The following RBFOX1 variants were observed in gnomAD, a reference collection of about 807,000 sequenced individuals.
RBFOX1 encodes the protein RNA binding fox-1 homolog 1.
In RBFOX1, 8 loss-of-function variants were observed where a neutral mutation model predicts 57.7. The ratio of observed to expected loss-of-function variants is 0.14; its 90% CI spans 0.08 to 0.25. The LOEUF (loss-of-function observed/expected upper bound fraction) is 0.25. Among genes scored for constraint, RBFOX1 ranks in the 10% least tolerant of loss-of-function variants. The pLI is 1.00. For synonymous variants in RBFOX1, 326 were observed against 222.4 expected (o/e 1.47, Z -4.15); for missense variants, 611 against 548.5 (o/e 1.11, Z -1.14).
chr16:6,524,262 T>A (rs1157755818), intron 2 of RBFOX1, among the ~76,000 whole-genome samples: 1 of 152,204 alleles, frequency 6.6e-6, no homozygotes, highest in Non-Finnish European at 1.5e-5. Flanking sequence ...TTTCTGTGCC[T>A]GACTTATTTC....
intron 4 of RBFOX1, among the ~76,000 whole-genome samples, chr16:5,998,559 C>G (rs540187419): frequency 6.6e-6 from 1 of 152,088 alleles, no homozygotes; most frequent in Non-Finnish European, 1.5e-5. Flanking sequence ...TGTGGATGCC[C>G]AGCATATAAA....
intron 2 of RBFOX1, among the ~76,000 whole-genome samples, chr16:5,594,930 G>C (rs1489296613): frequency 6.8e-6 from 1 of 147,022 alleles, no homozygotes; most frequent in Non-Finnish European, 1.5e-5. Context: ...TCAGGAGTTG[G>C]AGACCAGCCT....
rs72764954 is a variant in RBFOX1, at chr16:6,723,409, T to G, written c.-16+68759T>G. Among the ~76,000 whole-genome samples the G allele has an allele frequency of 5.1e-3, 772 of 152,314 alleles. 7 individuals carry two copies. The highest frequency in any genetic ancestry group is 8.6e-3 in the Non-Finnish European group (587 of 68,030). ...AGATAAAGACTTAAAGATACCACTA[T>G]GGAGTTATCTCAAAGATACATTATT... On this transcript the variant is annotated intron_variant, in intron 3 of 15. Coordinates refer to ENST00000550418, the MANE Select transcript of RBFOX1 (RefSeq NM_018723.4).
intron 3 of RBFOX1, among the ~76,000 whole-genome samples, chr16:5,674,053 T>C (rs2050094851): frequency 6.6e-6 from 1 of 152,212 alleles, no homozygotes; most frequent in Non-Finnish European, 1.5e-5. Flanking sequence ...CATTGAATCA[T>C]TCATTCTTGG....
intron 3 of RBFOX1, among the ~76,000 whole-genome samples, chr16:6,755,139 A>G (rs918959948): frequency 1.3e-5 from 2 of 152,072 alleles, no homozygotes; most frequent in African/African-American, 4.8e-5. Flanking sequence ...AGTCTTTGCT[A>G]TTGGGGATAG....
At chr16:6,598,804 G>C (rs563565386) in intron 2 of RBFOX1, among the ~76,000 whole-genome samples, 57 of 152,076 alleles carry the variant, frequency 3.7e-4, no homozygotes, top group African/African-American at 1.2e-3. Flanking sequence ...AAATTAGCTG[G>C]GCATGGTGGC....
chr16:7,628,064 G>C (rs2060353418), intron 10 of RBFOX1, among the ~76,000 whole-genome samples: 1 of 152,246 alleles, frequency 6.6e-6, no homozygotes, highest in African/African-American at 2.4e-5. Context: ...CTGTGTCCCA[G>C]TGGAATTCTA....
chr16:6,042,072 C>G (rs886499641), intron 1 of RBFOX1, among the ~76,000 whole-genome samples: 17 of 152,016 alleles, frequency 1.1e-4, no homozygotes, highest in African/African-American at 4.1e-4. Context: ...CTGGTCATCT[C>G]CACAGTCTCA....
At chr16:5,717,008 A>C (rs920070573) in intron 3 of RBFOX1, among the ~76,000 whole-genome samples, 4 of 151,756 alleles carry the variant, frequency 2.6e-5, no homozygotes, top group Non-Finnish European at 5.9e-5. Flanking sequence ...GAGCTGTATT[A>C]GCAGCAGAAA....
At chr16:7,362,621 T>C (rs1439235506) in intron 4 of RBFOX1, among the ~76,000 whole-genome samples, 1 of 152,008 alleles carries the variant, frequency 6.6e-6, no homozygotes, top group Non-Finnish European at 1.5e-5. Context: ...GTTTTGCGTG[T>C]AGTATGTGTT....
intron 3 of RBFOX1, among the ~76,000 whole-genome samples, chr16:5,799,879 A>T (rs867589014): frequency 2.0e-5 from 3 of 152,134 alleles, no homozygotes; most frequent in Non-Finnish European, 4.4e-5. Flanking sequence ...TTGATTTTTT[A>T]AAATTAATTT....
At chr16:6,734,612 G>A (rs2069600103) in intron 3 of RBFOX1, among the ~76,000 whole-genome samples, 1 of 152,090 alleles carries the variant, frequency 6.6e-6, no homozygotes, top group Non-Finnish European at 1.5e-5. Context: ...AGTGGGACTA[G>A]GTCTCTATTC....
At chr16:5,531,209 G>C (rs540346994) in intron 2 of RBFOX1, among the ~76,000 whole-genome samples, 1 of 152,152 alleles carries the variant, frequency 6.6e-6, no homozygotes, top group Non-Finnish European at 1.5e-5. Context: ...CAGAGGAGTT[G>C]TTCGTCAGCC....
At chr16:5,534,950 C>G (rs763234434) in intron 2 of RBFOX1, among the ~76,000 whole-genome samples, 2 of 152,214 alleles carry the variant, frequency 1.3e-5, no homozygotes, top group Non-Finnish European at 2.9e-5. Flanking sequence ...TTCATCCATT[C>G]ATTCAGAAAA....
intron 1 of RBFOX1, among the ~76,000 whole-genome samples, chr16:5,425,900 G>C (rs946033886): frequency 6.6e-6 from 1 of 152,142 alleles, no homozygotes; most frequent in Non-Finnish European, 1.5e-5. Context: ...TCCTATGTCT[G>C]CAGCGGTGTG....
intron 4 of RBFOX1, among the ~76,000 whole-genome samples, chr16:7,157,137 T>A (rs1035663038): frequency 9.9e-5 from 15 of 152,210 alleles, no homozygotes; most frequent in African/African-American, 3.6e-4. Flanking sequence ...GTATTCTCAT[T>A]GGCACAGGAT....
At chr16:7,268,511 T>C (rs1206750791) in intron 4 of RBFOX1, among the ~76,000 whole-genome samples, 1 of 152,190 alleles carries the variant, frequency 6.6e-6, no homozygotes, top group African/African-American at 2.4e-5. Flanking sequence ...TGCTCTGCGG[T>C]AATATGTTCT....
intron 3 of RBFOX1, among the ~76,000 whole-genome samples, chr16:5,829,952 G>A (rs1433630045): frequency 6.6e-6 from 1 of 152,150 alleles, no homozygotes; most frequent in Non-Finnish European, 1.5e-5. Flanking sequence ...AGACCCTTAG[G>A]AGCAAGGATC....
chr16:5,247,079 T>C (rs1368156523), intron 1 of RBFOX1, among the ~76,000 whole-genome samples: 1 of 152,226 alleles, frequency 6.6e-6, no homozygotes, highest in East Asian at 1.9e-4. Context: ...ATCCATGTTG[T>C]CTCAAATGGC....
Sources: gnomAD v4.1 joint callset for allele counts (sites outside exome capture counted in the v4.1 genomes callset) on GRCh38, gnomAD v4.1.1 for gene constraint, MANE v1.5 for transcripts, NCBI Gene and HGNC (gene_info 2026-07-23, HGNC 2026-07-21) for gene names.